Variants in TECRL observed in about 807,000 individuals in gnomAD.
The protein encoded by TECRL is trans-2,3-enoyl-CoA reductase-like.
TECRL carries 63 observed loss-of-function variants against 52.8 expected under a neutral mutation model. The observed-to-expected ratio is 1.19, with a 90% CI of 0.97 to 1.47. TECRL has a LOEUF of 1.47. Among genes scored for constraint, TECRL ranks in the 40% most tolerant of loss-of-function variants. The pLI is 0.00. For synonymous variants in TECRL, 164 were observed against 141.9 expected, an observed-to-expected ratio of 1.16 and a Z score of -1.10; for missense variants, 482 against 429.6, an observed-to-expected ratio of 1.12 and a Z score of -1.08.
chr4:64,327,927 A>G (rs970515357), intron 3 of TECRL, among the ~76,000 whole-genome samples: 1 of 151,952 alleles, frequency 6.6e-6, no homozygotes, highest in Non-Finnish European at 1.5e-5. Context: ...AGTACATGCT[A>G]CCCACAGCTT....
intron 1 of TECRL, among the ~76,000 whole-genome samples, chr4:64,388,808 A>C (rs900628478): frequency 1.3e-5 from 2 of 151,928 alleles, no homozygotes; most frequent in African/African-American, 4.8e-5. Context: ...AATACAAATA[A>C]ATAAATATAA....
intron 1 of TECRL, among the ~76,000 whole-genome samples, chr4:64,379,554 C>T (rs1222833692): frequency 2.0e-5 from 3 of 152,124 alleles, no homozygotes; most frequent in Non-Finnish European, 4.4e-5. Context: ...AGTCACCCTA[C>T]TATGCTGTCA....
intron 1 of TECRL, among the ~76,000 whole-genome samples, chr4:64,385,358 A>C (rs1577973665): frequency 6.6e-6 from 1 of 152,312 alleles, no homozygotes; most frequent in Non-Finnish European, 1.5e-5. Context: ...GGTTTGGAGC[A>C]GCCTGTTGAT....
intron 2 of TECRL, among the ~76,000 whole-genome samples, chr4:64,341,893 G>A (rs1719601153): frequency 6.6e-6 from 1 of 152,270 alleles, no homozygotes; most frequent in South Asian, 2.1e-4. Context: ...TGTGGCAGGA[G>A]CCAGCATGTC....
At chr4:64,282,820 A>G (rs879844595) in intron 9 of TECRL, among the ~76,000 whole-genome samples, 3 of 152,070 alleles carry the variant, frequency 2.0e-5, no homozygotes, top group Admixed American at 2.0e-4. Context: ...GTTGCTGTTA[A>G]CTGTAATATT....
intron 2 of TECRL, among the ~76,000 whole-genome samples, chr4:64,345,906 G>GCAAAAAAA (rs1719922864): frequency 3.6e-4 from 1 of 2,744 alleles, no homozygotes; most frequent in Admixed American, 3.4e-3. Flanking sequence ...TGCCTCAACA[G>GCAAAAAAA]CAAAAAAAAA....
chr4:64,350,108 TAAATA>T (rs150521251), intron 2 of TECRL, among the ~76,000 whole-genome samples: 102,113 of 151,928 alleles, frequency 0.67, 35,439 homozygotes, highest in Non-Finnish European at 0.76. Context: ...GGCATTTACT[TAAATA>T]AAAAGTTATC....
At chr4:64,297,223 A>G (rs762752448) in intron 8 of TECRL, among the ~76,000 whole-genome samples, 2 of 151,486 alleles carry the variant, frequency 1.3e-5, no homozygotes, top group Non-Finnish European at 3.0e-5. Context: ...AACCATTAAC[A>G]GTCTACAAAA....
chr4:64,373,263 A>AATTT lies in TECRL; in HGVS notation c.286+1908_286+1909insAAAT, dbSNP rs1419208995. On this transcript the variant is annotated intron_variant, in intron 2 of 11. Coordinates refer to ENST00000381210, the MANE Select transcript of TECRL (RefSeq NM_001010874.5). Reference sequence around the variant, plus strand: ...TAAAGATAATTTTGAAAAAGTGAAAAAAGTCACTATTTAAGTAAAGCTGTT... The same window carrying AATTT: ...TAAAGATAATTTTGAAAAAGTGAAAAATTTAAGTCACTATTTAAGTAAAGCTGTT... 2.7e-3 allele frequency among the ~76,000 whole-genome samples: 412 copies of AATTT among 151,832 alleles called. 3 individuals carry two copies. The highest frequency in any genetic ancestry group is 2.3e-3 in the South Asian group (11 of 4,822).
chr4:64,382,368 TAC>T (rs113542894), intron 1 of TECRL, among the ~76,000 whole-genome samples: 3,038 of 147,342 alleles, frequency 0.021, 86 homozygotes, highest in African/African-American at 0.07. Context: ...TACACACACA[TAC>T]ACACACACTA....
chr4:64,296,479 GA>G (rs1198799843), intron 8 of TECRL, among the ~76,000 whole-genome samples: 1 of 151,704 alleles, frequency 6.6e-6, no homozygotes, highest in Non-Finnish European at 1.5e-5. Flanking sequence ...CAAAACTAGG[GA>G]AAATAGTTAT....
At chr4:64,379,077 A>C (rs1293674752) in intron 1 of TECRL, among the ~76,000 whole-genome samples, 1 of 152,074 alleles carries the variant, frequency 6.6e-6, no homozygotes, top group Non-Finnish European at 1.5e-5. Flanking sequence ...AAATGTAAAA[A>C]TTAACATATA....
At chr4:64,339,343 A>G (rs1225620521) in intron 2 of TECRL, among the ~76,000 whole-genome samples, 1 of 151,508 alleles carries the variant, frequency 6.6e-6, no homozygotes, top group Non-Finnish European at 1.5e-5. Flanking sequence ...AATGACGTAA[A>G]TGATGAGTTA....
At chr4:64,369,252 A>G (rs1721824021) in intron 2 of TECRL, among the ~76,000 whole-genome samples, 1 of 152,130 alleles carries the variant, frequency 6.6e-6, no homozygotes, top group South Asian at 2.1e-4. Flanking sequence ...TTTTAGAACA[A>G]TCTCAAAGGA....
At chr4:64,399,154 C>T (rs1323720811) in intron 1 of TECRL, among the ~76,000 whole-genome samples, 1 of 152,072 alleles carries the variant, frequency 6.6e-6, no homozygotes, top group African/African-American at 2.4e-5. Context: ...GCTTTACTGG[C>T]CCAACCAGAC....
chr4:64,380,228 C>T (rs1722691429), intron 1 of TECRL, among the ~76,000 whole-genome samples: 1 of 151,974 alleles, frequency 6.6e-6, no homozygotes, highest in South Asian at 2.1e-4. Context: ...ATTATTTGCC[C>T]AATTTTCCAT....
intron 2 of TECRL, among the ~76,000 whole-genome samples, chr4:64,338,949 A>C (rs1033946683): frequency 5.3e-4 from 81 of 152,260 alleles, no homozygotes; most frequent in African/African-American, 1.9e-3. Context: ...ACCCAAAGGA[A>C]TATAAATCAT....
At chr4:64,363,637 C>A (rs1398654159) in intron 2 of TECRL, among the ~76,000 whole-genome samples, 1 of 152,118 alleles carries the variant, frequency 6.6e-6, no homozygotes, top group African/African-American at 2.4e-5. Flanking sequence ...TTATGGAATG[C>A]TGAGAAAGGT....
chr4:64,305,033 A>G (rs927522431), intron 7 of TECRL, 133 bp downstream of exon 7: 22 of 616,270 alleles, frequency 3.6e-5, no homozygotes, highest in African/African-American at 3.3e-4. Context: ...TAAACATTTA[A>G]AGAAATATGA....
Sources: allele counts gnomAD v4.1 joint callset (sites outside exome capture counted in the v4.1 genomes callset), GRCh38; gene constraint gnomAD v4.1.1; transcripts MANE v1.5; gene names NCBI Gene and HGNC (gene_info 2026-07-23, HGNC 2026-07-21).